The following KCNIP4 variants were observed in gnomAD, a reference collection of about 807,000 sequenced individuals.
The protein encoded by KCNIP4 is Kv channel-interacting protein 4.
A neutral mutation model predicts 34.0 loss-of-function variants in KCNIP4; 12 were observed. The ratio of observed to expected loss-of-function variants is 0.35; its 90% CI spans 0.23 to 0.57. The LOEUF is 0.57. KCNIP4 is among the 20% of genes least tolerant of loss of function. KCNIP4 has a pLI of 0.83. For synonymous variants in KCNIP4, 124 were observed against 102.2 expected (o/e 1.21, Z -1.29); for missense variants, 238 against 311.7 (o/e 0.76, Z 1.78).
intron 1 of KCNIP4, among the ~76,000 whole-genome samples, chr4:21,133,954 C>T (rs926535613): frequency 1.3e-5 from 2 of 152,156 alleles, no homozygotes; most frequent in African/African-American, 4.8e-5. Context: ...TTCGACTTCC[C>T]TTCTGCCCTG....
chr4:21,526,632 T>C (rs1735997387), intron 1 of KCNIP4, among the ~76,000 whole-genome samples: 1 of 152,108 alleles, frequency 6.6e-6, no homozygotes, highest in Non-Finnish European at 1.5e-5. Context: ...GTATCACCTA[T>C]TGTTCTTGAT....
intron 1 of KCNIP4, among the ~76,000 whole-genome samples, chr4:21,065,726 CT>C (rs1421284904): frequency 0.028 from 2,395 of 86,360 alleles, 76 homozygotes; most frequent in African/African-American, 0.097. Flanking sequence ...TATCATTTGT[CT>C]ATATATATAT....
At chr4:21,149,394 T>G (rs534157136) in intron 1 of KCNIP4, among the ~76,000 whole-genome samples, 12 of 152,228 alleles carry the variant, frequency 7.9e-5, no homozygotes, top group African/African-American at 2.4e-4. Context: ...GGAAAATGAA[T>G]TTTAAATTGA....
At chr4:21,474,511 A>G (rs954299334) in intron 1 of KCNIP4, among the ~76,000 whole-genome samples, 5 of 152,186 alleles carry the variant, frequency 3.3e-5, no homozygotes, top group African/African-American at 1.2e-4. Context: ...AAAACTATAA[A>G]TTGTGAAAGT....
At chr4:21,467,119 A>ACACAC (rs1560434385) in intron 1 of KCNIP4, among the ~76,000 whole-genome samples, 55 of 79,812 alleles carry the variant, frequency 6.9e-4, no homozygotes, top group African/African-American at 1.6e-3. Flanking sequence ...CACACACACA[A>ACACAC]AACAGAACAT....
chr4:20,874,427 G>T (rs1723787937), intron 2 of KCNIP4, among the ~76,000 whole-genome samples: 1 of 152,142 alleles, frequency 6.6e-6, no homozygotes, highest in Non-Finnish European at 1.5e-5. Context: ...GTAGTGATCT[G>T]AGTGTTCCCC....
chr4:20,793,225 T>C (rs1713006791), intron 3 of KCNIP4, among the ~76,000 whole-genome samples: 1 of 152,180 alleles, frequency 6.6e-6, no homozygotes, highest in South Asian at 2.1e-4. Flanking sequence ...TATAATGGAA[T>C]AGTACTCAGC....
At chr4:21,074,488 C>G (rs1227710737) in intron 1 of KCNIP4, among the ~76,000 whole-genome samples, 1 of 152,098 alleles carries the variant, frequency 6.6e-6, no homozygotes, top group Non-Finnish European at 1.5e-5. Context: ...GTGATATCCC[C>G]TTTATCATTT....
chr4:21,304,424 G>T (rs986652744), intron 1 of KCNIP4: 5 of 152,470 alleles, frequency 3.3e-5, no homozygotes, highest in African/African-American at 9.6e-5. Context: ...TCTGCGCGCC[G>T]CGCCGCCGCC....
At chr4:21,192,931 C>A (rs62295284) in intron 1 of KCNIP4, among the ~76,000 whole-genome samples, 53,345 of 135,966 alleles carry the variant, frequency 0.39, 10,777 homozygotes, top group African/African-American at 0.61. Context: ...ACTACTACTA[C>A]TACTACTACT....
chr4:20,963,627 C>A (rs1734072159), intron 1 of KCNIP4, among the ~76,000 whole-genome samples: 1 of 151,886 alleles, frequency 6.6e-6, no homozygotes, highest in Non-Finnish European at 1.5e-5. Flanking sequence ...ATGCAATAAA[C>A]ACAGTAGAAA....
At chr4:21,293,446 C>T (rs906840081) in intron 1 of KCNIP4, among the ~76,000 whole-genome samples, 1 of 152,138 alleles carries the variant, frequency 6.6e-6, no homozygotes, top group Non-Finnish European at 1.5e-5. Flanking sequence ...GTTTCTTAGC[C>T]AATCCTTCGG....
At chr4:21,270,118 A>G (rs1325997593) in intron 1 of KCNIP4, among the ~76,000 whole-genome samples, 1 of 152,210 alleles carries the variant, frequency 6.6e-6, no homozygotes, top group Non-Finnish European at 1.5e-5. Context: ...ACCGGGGAGT[A>G]TCATAGGCTC....
chr4:21,584,911 G>A (rs1741496897), intron 1 of KCNIP4, among the ~76,000 whole-genome samples: 1 of 152,092 alleles, frequency 6.6e-6, no homozygotes, highest in African/African-American at 2.4e-5. Context: ...CTCCAAGCAA[G>A]TGTAACCATT....
intron 1 of KCNIP4, among the ~76,000 whole-genome samples, chr4:21,593,833 A>T (rs10013644): frequency 2.1e-3 from 322 of 152,268 alleles, no homozygotes; most frequent in African/African-American, 7.1e-3. Context: ...TGCCATGTCA[A>T]CATTTGAGAC....
chr4:21,263,589 C>G (rs1761607271), intron 1 of KCNIP4, among the ~76,000 whole-genome samples: 1 of 152,224 alleles, frequency 6.6e-6, no homozygotes, highest in African/African-American at 2.4e-5. Flanking sequence ...ATCGGCACCA[C>G]CACTTTCTGT....
intron 1 of KCNIP4, among the ~76,000 whole-genome samples, chr4:21,373,186 G>A (rs1720651138): frequency 1.4e-5 from 2 of 146,756 alleles, no homozygotes; most frequent in Admixed American, 6.6e-5. Context: ...ATCTGGCTGT[G>A]GTGGTGTGCA....
chr4:21,266,681 G>A (rs1461554701), intron 1 of KCNIP4, among the ~76,000 whole-genome samples: 1 of 152,190 alleles, frequency 6.6e-6, no homozygotes, highest in Non-Finnish European at 1.5e-5. Flanking sequence ...CCAAGTACAG[G>A]TAGATCTTGT....
intron 2 of KCNIP4, among the ~76,000 whole-genome samples, chr4:20,870,941 C>A (rs1015182216): frequency 1.3e-5 from 2 of 152,076 alleles, no homozygotes; most frequent in East Asian, 1.9e-4. Flanking sequence ...AGAGGAGAGG[C>A]CTCCTGAGAC....
Sources: allele counts gnomAD v4.1 joint callset (sites outside exome capture counted in the v4.1 genomes callset), GRCh38; gene constraint gnomAD v4.1.1; transcripts MANE v1.5; gene names NCBI Gene and HGNC (gene_info 2026-07-23, HGNC 2026-07-21).